Variants in PLIN3 observed in about 807,000 individuals in gnomAD.
PLIN3 encodes the protein perilipin-3.
In PLIN3, 30 loss-of-function variants were observed where a neutral mutation model predicts 35.9. The observed-to-expected ratio is 0.84, with a 90% CI of 0.62 to 1.13. The LOEUF is 1.13. PLIN3 is among the 50% of genes most tolerant of loss of function. The pLI, the probability that PLIN3 is intolerant of heterozygous loss-of-function variation, is 0.00. For synonymous variants in PLIN3, 261 were observed against 262.5 expected (o/e 0.99, Z 0.06); for missense variants, 603 against 596.9 (o/e 1.01, Z -0.11).
chr19:4,851,968 CA>C (rs755958949), intron 5 of PLIN3, 47 bp downstream of exon 5: 21 of 1,576,182 alleles, frequency 1.3e-5, no homozygotes, highest in Middle Eastern at 3.4e-4. Context: ...GGCTTCCGGT[CA>C]GGGGGCCTGG....
At chr19:4,851,580 T>C (rs1039610417) in intron 5 of PLIN3, among the ~76,000 whole-genome samples, 1 of 152,088 alleles carries the variant, frequency 6.6e-6, no homozygotes, top group African/African-American at 2.4e-5. Context: ...ACCAGCATTG[T>C]TGTCACAGTT....
chr19:4,844,341 C>T (rs1441918473), intron 7 of PLIN3, among the ~76,000 whole-genome samples: 1 of 152,064 alleles, frequency 6.6e-6, no homozygotes, highest in East Asian at 1.9e-4. Flanking sequence ...TGGTGAGCGC[C>T]TGTAATCCCA....
At chr19:4,852,690 G>C (rs1325689707) in intron 4 of PLIN3, among the ~76,000 whole-genome samples, 1 of 151,938 alleles carries the variant, frequency 6.6e-6, no homozygotes, top group Non-Finnish European at 1.5e-5. Context: ...GCCCAGGCTG[G>C]AGTGCAGTGA....
intron 4 of PLIN3, among the ~76,000 whole-genome samples, chr19:4,858,851 G>A (rs1032913256): frequency 1.3e-5 from 2 of 151,642 alleles, no homozygotes; most frequent in African/African-American, 2.4e-5. Flanking sequence ...ACAGGCACCC[G>A]CTACCACACC....
chr19:4,852,340 C>T, intron 4 of PLIN3, 39 bp from the exon 5 acceptor site: 1 of 1,582,238 alleles, frequency 6.3e-7, no homozygotes, highest in Non-Finnish European at 8.6e-7. Flanking sequence ...TGCCTTCCCT[C>T]CATATCTGGG....
intron 7 of PLIN3, among the ~76,000 whole-genome samples, chr19:4,841,156 C>T (rs994037279): frequency 3.3e-5 from 5 of 152,150 alleles, no homozygotes; most frequent in South Asian, 2.1e-4. Context: ...CGGAAACATA[C>T]GTCCACACAC....
rs1289887810 is a variant in PLIN3, at chr19:4,839,358, T to A, written c.1139A>T (p.Gln380Leu). The A allele has an allele frequency of 6.2e-7, 1 of 1,613,668 alleles. No individual in the cohort carries two copies. Among genetic ancestry groups the A allele is most frequent in the East Asian group, 2.2e-5 (1 of 44,874 alleles). Residue 380 changes from glutamine to leucine, a missense_variant, in exon 8 of 8, where the codon CAG becomes CTG. By Grantham distance (113) the Gln-to-Leu change is moderately radical. Transcript: ENST00000221957. The stretch of plus-strand genomic sequence containing the variant: ...GGCCAGAATGCTGCTGGACAGGTCC[T>A]GGAAGGAGTGGATGCTGGAAAACGT... ...QATFSSIHSF[Q>L]DLSSSILAQS...
At chr19:4,844,603 A>C in intron 7 of PLIN3, 65 bp downstream of exon 7, 1 of 1,470,822 alleles carries the variant, frequency 6.8e-7, no homozygotes, top group Non-Finnish European at 9.1e-7. Flanking sequence ...CATGAAGCAG[A>C]GGTGTAGAGA....
chr19:4,841,528 A>G (rs1441103953), intron 7 of PLIN3, among the ~76,000 whole-genome samples: 1 of 151,832 alleles, frequency 6.6e-6, no homozygotes, highest in Admixed American at 6.6e-5. Context: ...TAGTTGCACA[A>G]TGCTGAGAAC....
At chr19:4,863,539 C>T (rs1262790506) in intron 1 of PLIN3, among the ~76,000 whole-genome samples, 2 of 145,562 alleles carry the variant, frequency 1.4e-5, no homozygotes, top group Admixed American at 1.4e-4. Flanking sequence ...CTCACATGGG[C>T]CAGATGTGGT....
rs1049009155 is a variant in PLIN3, at chr19:4,838,954, ATC to A, written c.*236_*237del. On this transcript the variant is annotated 3_prime_UTR_variant, in exon 8 of 8. Coordinates refer to ENST00000221957, the MANE Select transcript of PLIN3 (RefSeq NM_005817.5). ...TTCCTGAAAGATATTTTTTCTGGAC[ATC>A]TCTCTCTACTGACTGATAGGGTGAG... The A allele has an allele frequency of 7.9e-5, 30 of 381,622 alleles. No homozygotes were observed. The highest frequency in any genetic ancestry group is 4.7e-6 in the Non-Finnish European group (1 of 214,306). The allele number at this position is 381,622 out of a possible 1,614,324, so 23.6% of individuals were successfully genotyped here.
intron 7 of PLIN3, among the ~76,000 whole-genome samples, chr19:4,841,082 T>C (rs2029883850): frequency 6.6e-6 from 1 of 152,194 alleles, no homozygotes; most frequent in Non-Finnish European, 1.5e-5. Flanking sequence ...TTACTCAAAA[T>C]GTTAAACCAT....
rs1325953795 is a variant in PLIN3 at position 4,847,746 on chromosome 19, G to C, written c.779C>G (p.Ala260Gly). 1 of 1,612,094 alleles carries C rather than the reference G, an allele frequency of 6.2e-7. No homozygotes were observed. Among genetic ancestry groups the C allele is most frequent in the Non-Finnish European group, 8.5e-7 (1 of 1,179,398 alleles). Reference sequence around the variant, plus strand: ...AGCCTCCTGTGCCCTCTGCTTGGTGGCTCGAAGCTTGCCCAGCGAGTGCTC... The same window carrying C: ...AGCCTCCTGTGCCCTCTGCTTGGTGCCTCGAAGCTTGCCCAGCGAGTGCTC... ...AYEHSLGKLRATKQRAQEALL... is the reference protein window; with the variant it reads ...AYEHSLGKLRGTKQRAQEALL... The change falls in exon 6 of 8, where the codon GCC (alanine) becomes GGC (glycine). Residue 260 changes from alanine to glycine, a missense_variant. Physicochemically the swap from Ala to Gly is moderately conservative, Grantham distance 60. Coordinates refer to ENST00000221957, the MANE Select transcript of PLIN3 (RefSeq NM_005817.5).
At chr19:4,856,765 C>T (rs138490683) in intron 4 of PLIN3, among the ~76,000 whole-genome samples, 7 of 147,488 alleles carry the variant, frequency 4.7e-5, no homozygotes, top group Non-Finnish European at 1.0e-4. Context: ...AGCGTGGTGG[C>T]ACGATCTCGG....
chr19:4,853,931 C>CT (rs60685106), intron 4 of PLIN3, among the ~76,000 whole-genome samples: 34,352 of 142,286 alleles, frequency 0.24, 4,383 homozygotes, highest in East Asian at 0.46. Context: ...GAATCTAAGT[C>CT]TTTTTTTTTT....
At chr19:4,853,498 G>T (rs2030372800) in intron 4 of PLIN3, among the ~76,000 whole-genome samples, 1 of 151,392 alleles carries the variant, frequency 6.6e-6, no homozygotes, top group African/African-American at 2.4e-5. Flanking sequence ...GCCGATTTTT[G>T]TATTTTTAGT....
At chr19:4,864,637 A>T (rs1274421802) in intron 1 of PLIN3, among the ~76,000 whole-genome samples, 1 of 151,932 alleles carries the variant, frequency 6.6e-6, no homozygotes, top group East Asian at 1.9e-4. Flanking sequence ...CTTTTTTTAA[A>T]AAGTGAGATA....
At chr19:4,857,216 T>C (rs954117041) in intron 4 of PLIN3, among the ~76,000 whole-genome samples, 2 of 151,996 alleles carry the variant, frequency 1.3e-5, no homozygotes, top group East Asian at 3.9e-4. Context: ...GGCAGGAGGA[T>C]TGCTTGAGCC....
rs775524968 is a variant in PLIN3, at chr19:4,865,923, C to A, written c.-18+1686G>T. 7.9e-5 allele frequency among the ~76,000 whole-genome samples: 12 copies of A among 151,396 alleles called. No individual in the cohort carries two copies. The South Asian group carries it at 2.5e-3, about 32-fold the overall frequency. On this transcript the variant is annotated intron_variant, in intron 1 of 7. Transcript: ENST00000221957. ...TATTTTTAGTAGAGATGGGATTTCA[C>A]CATGTTAGCCAGGATCGTCTCGATC... is the stretch of plus-strand genomic sequence containing the variant.
Sources: allele counts gnomAD v4.1 joint callset (sites outside exome capture counted in the v4.1 genomes callset), GRCh38; gene constraint gnomAD v4.1.1; transcripts MANE v1.5; gene names NCBI Gene and HGNC (gene_info 2026-07-23, HGNC 2026-07-21).